Variants in PCDH19 observed in about 807,000 individuals in gnomAD.
PCDH19 encodes protocadherin-19.
Under a neutral mutation model 46.2 loss-of-function variants are expected in PCDH19, and 6 were observed. That is an observed-to-expected ratio of 0.13 (90% CI 0.07 to 0.26). The LOEUF is 0.26. Ranked by LOEUF, PCDH19 falls within the 10% of genes least tolerant of loss-of-function variation. The pLI, the probability that PCDH19 is intolerant of heterozygous loss-of-function variation, is 1.00. For synonymous variants in PCDH19, 481 were observed against 415.7 expected (o/e 1.16, Z -1.91); for missense variants, 740 against 972.3 (o/e 0.76, Z 3.18).
chrX:100,319,064 C>T (rs762628601), intron 5 of PCDH19, among the ~76,000 whole-genome samples: 89 of 110,957 alleles, frequency 8.0e-4, no homozygotes, highest in Non-Finnish European at 1.3e-3. Flanking sequence ...TGACAAGATG[C>T]CTAATATGCT....
intron 3 of PCDH19, among the ~76,000 whole-genome samples, chrX:100,379,347 A>ACACACACAC (rs66715683): frequency 0.013 from 846 of 65,248 alleles, 11 homozygotes; most frequent in East Asian, 0.05. Flanking sequence ...ACACACACAC[A>ACACACACAC]CATTTCCTCC....
intron 3 of PCDH19, among the ~76,000 whole-genome samples, chrX:100,397,752 T>C (rs1046559506): frequency 5.4e-5 from 6 of 111,852 alleles, no homozygotes; most frequent in African/African-American, 2.0e-4. Context: ...GTGACAAAAA[T>C]GGTAATGCAG....
At chrX:100,386,527 A>C (rs1352620206) in intron 3 of PCDH19, among the ~76,000 whole-genome samples, 2 of 112,194 alleles carry the variant, frequency 1.8e-5, no homozygotes, top group Non-Finnish European at 3.8e-5. Context: ...CTGCTTTATC[A>C]CATTAACTTT....
intron 3 of PCDH19, among the ~76,000 whole-genome samples, chrX:100,359,825 G>C (rs1225492910): frequency 3.6e-5 from 4 of 110,275 alleles, no homozygotes; most frequent in African/African-American, 9.9e-5. Flanking sequence ...GTGTGTGTGT[G>C]TGTCTGTGTA....
chrX:100,403,341 CCTCTATGACTCA>C (rs1928250201), intron 2 of PCDH19, among the ~76,000 whole-genome samples, 171 bp downstream of exon 2: 1 of 108,362 alleles, frequency 9.2e-6, no homozygotes, highest in Non-Finnish European at 1.9e-5. Flanking sequence ...CAATCAGCTT[CCTCTATGACTCA>C]CTCGATCAGT....
intron 5 of PCDH19, among the ~76,000 whole-genome samples, chrX:100,317,007 G>C (rs954880951): frequency 9.0e-6 from 1 of 111,725 alleles, no homozygotes; most frequent in African/African-American, 3.3e-5. Flanking sequence ...GCCATAACTG[G>C]AGCATATTTG....
Position 100,403,594 on chromosome X carries a change from T to A in PCDH19, c.2218A>T (p.Ile740Phe), listed in dbSNP as rs866475632. 2 of 1,205,920 alleles carry A rather than the reference T, an allele frequency of 1.7e-6. No homozygotes were observed. Among genetic ancestry groups the A allele is most frequent in the Non-Finnish European group, 1.1e-6 (1 of 892,055 alleles). The change falls in exon 2 of 6, where the codon ATC (isoleucine) becomes TTC (phenylalanine). Residue 740 changes from isoleucine to phenylalanine, a missense_variant. Physicochemically the swap from Ile to Phe is conservative, Grantham distance 21 (BLOSUM62 0). Coordinates refer to ENST00000373034, the MANE Select transcript of PCDH19 (RefSeq NM_001184880.2). ...TCCTCGCTAATGGGAGAAACCGAGATGCAATGCAGACACTTGCTGTTTTGT... is the reference window on the plus strand; with the variant it reads ...TCCTCGCTAATGGGAGAAACCGAGAAGCAATGCAGACACTTGCTGTTTTGT... The part of the protein sequence containing the change: ...KGQNSKCLHC[I>F]SVSPISEEQD...
chrX:100,345,614 A>G (rs1165247213), intron 4 of PCDH19, among the ~76,000 whole-genome samples: 1 of 111,822 alleles, frequency 8.9e-6, no homozygotes, highest in Admixed American at 9.6e-5. Flanking sequence ...TCTGAATGTT[A>G]CAAACAACCT....
intron 3 of PCDH19, among the ~76,000 whole-genome samples, chrX:100,356,246 A>T (rs996062413): frequency 3.6e-5 from 4 of 112,177 alleles, no homozygotes; most frequent in East Asian, 2.8e-4. Flanking sequence ...TTTAACTCTT[A>T]AGTCATTTTA....
chrX:100,365,318 A>G (rs746326688), intron 3 of PCDH19, among the ~76,000 whole-genome samples: 1 of 111,848 alleles, frequency 8.9e-6, no homozygotes, highest in South Asian at 3.7e-4. Context: ...CCTTCTTTCC[A>G]AACCAGGGGA....
chrX:100,384,695 C>T (rs1455961573), intron 3 of PCDH19, among the ~76,000 whole-genome samples: 1 of 111,303 alleles, frequency 9.0e-6, no homozygotes, highest in Non-Finnish European at 1.9e-5. Context: ...TCCATTGTTG[C>T]TATTTCATGT....
chrX:100,303,779 ACTTT>A (rs1924859123), intron 5 of PCDH19, among the ~76,000 whole-genome samples: 1 of 111,018 alleles, frequency 9.0e-6, no homozygotes, highest in African/African-American at 3.3e-5. Flanking sequence ...GCTCCCTAAA[ACTTT>A]CTTTTTGTTC....
Position 100,407,506 on chromosome X carries a change from C to G in PCDH19, c.1092G>C (p.Pro364=). The stretch of plus-strand genomic sequence containing the variant: ...CCCGCACCAAGGCGATCACGTAGCC[C>G]GGGGGGGCGCTCTCGCTGACCTCCA... The part of the protein sequence containing the change: ...ELVEVSESAP[P]GYVIALVRVS... Residue 364 remains proline (P), a synonymous_variant, in exon 1 of 6, where the codon CCG becomes CCC. Transcript: ENST00000373034. 1.7e-6 allele frequency: 2 copies of G among 1,210,797 alleles called. No individual in the cohort carries two copies. Among genetic ancestry groups the G allele is most frequent in the Non-Finnish European group, 2.2e-6 (2 of 895,402 alleles).
intron 5 of PCDH19, among the ~76,000 whole-genome samples, chrX:100,311,851 G>A (rs1461449338): frequency 2.7e-5 from 3 of 110,864 alleles, no homozygotes; most frequent in African/African-American, 9.9e-5. Flanking sequence ...ATGTTTCAGT[G>A]TAACTTCGGG....
chrX:100,337,239 A>C (rs762936368), intron 5 of PCDH19, among the ~76,000 whole-genome samples: 35 of 111,795 alleles, frequency 3.1e-4, no homozygotes, highest in African/African-American at 1.1e-3. Flanking sequence ...CAGGGACAGA[A>C]GGCATCAGTT....
chrX:100,322,865 A>ATATATATATATATATATATATTTTTTTT, intron 5 of PCDH19, among the ~76,000 whole-genome samples: 8 of 54,408 alleles, frequency 1.5e-4, no homozygotes, highest in African/African-American at 4.2e-4. Flanking sequence ...ATATATATAT[A>ATATATATATATATATATATATTTTTTTT]TTTTTGCAGC....
At chrX:100,388,184 G>A (rs1927765549) in intron 3 of PCDH19, among the ~76,000 whole-genome samples, 1 of 110,308 alleles carries the variant, frequency 9.1e-6, no homozygotes, top group African/African-American at 3.3e-5. Flanking sequence ...GTGCATATGT[G>A]CATGTGTATG....
At chrX:100,363,747 A>ATAT (rs1926981709) in intron 3 of PCDH19, among the ~76,000 whole-genome samples, 1 of 100,048 alleles carries the variant, frequency 1.0e-5, no homozygotes, top group African/African-American at 3.6e-5. Context: ...TATAAATAAT[A>ATAT]TATATATAAA....
chrX:100,361,493 G>A (rs1372089908), intron 3 of PCDH19, among the ~76,000 whole-genome samples: 1 of 111,950 alleles, frequency 8.9e-6, no homozygotes, highest in Non-Finnish European at 1.9e-5. Flanking sequence ...CATCCAGCCA[G>A]CAAGACTTTC....
Sources: allele counts gnomAD v4.1 joint callset (sites outside exome capture counted in the v4.1 genomes callset), GRCh38; gene constraint gnomAD v4.1.1; transcripts MANE v1.5; gene names NCBI Gene and HGNC (gene_info 2026-07-23, HGNC 2026-07-21).